Variants in UST observed in about 807,000 individuals in gnomAD.
UST encodes the protein chondroitin sulfate 2-O-sulfotransferase.
Under a neutral mutation model 45.6 loss-of-function variants are expected in UST, and 21 were observed. The ratio of observed to expected loss-of-function variants is 0.46; its 90% CI spans 0.33 to 0.66. UST has a LOEUF of 0.66. Ranked by LOEUF, UST falls within the 30% of genes least tolerant of loss-of-function variation. The pLI, the probability that UST is intolerant of heterozygous loss-of-function variation, is 0.02. For missense variants in UST, 463 were observed against 512.4 expected (o/e 0.90, Z 0.93); for synonymous variants, 215 against 200.6 (o/e 1.07, Z -0.61).
chr6:149,073,991 T>A lies in UST; in HGVS notation c.1096T>A (p.Ser366Thr). 1.2e-6 allele frequency: 2 copies of A among 1,614,118 alleles called. No homozygotes were observed. Among genetic ancestry groups the A allele is most frequent in the South Asian group, 2.2e-5 (2 of 91,076 alleles). The change falls in exon 8 of 8, where the codon TCT becomes ACT. Residue 366 changes from serine (S) to threonine (T), a missense_variant. Physicochemically the swap from Ser to Thr is moderately conservative, Grantham distance 58. This residue lies in a region of UST where 287 missense variants were observed against 374.2 expected (regional missense o/e 0.77). Transcript: ENST00000367463. ...HLLKRKFGLK[S>T]HVSKPPLRPH... ...GCTGAAGCGCAAGTTTGGACTTAAG[T>A]CTCACGTCAGCAAGCCCCCCCTGAG...
At chr6:149,050,539 A>C (rs968090954) in intron 7 of UST, among the ~76,000 whole-genome samples, 3 of 152,126 alleles carry the variant, frequency 2.0e-5, no homozygotes, top group African/African-American at 7.2e-5. Context: ...ACATTTGCCT[A>C]TTTGCTTTTT....
At chr6:148,913,284 A>G (rs1700380771) in intron 2 of UST, among the ~76,000 whole-genome samples, 1 of 152,164 alleles carries the variant, frequency 6.6e-6, no homozygotes, top group Admixed American at 6.5e-5. Flanking sequence ...CTGACTGTGC[A>G]TCGGAAGGGT....
intron 7 of UST, among the ~76,000 whole-genome samples, chr6:149,063,561 G>A (rs538279651): frequency 6.6e-6 from 1 of 152,314 alleles, no homozygotes; most frequent in East Asian, 1.9e-4. Flanking sequence ...AGCCAGATGG[G>A]AGGGTAGACT....
At chr6:148,855,995 G>A (rs1040614210) in intron 1 of UST, among the ~76,000 whole-genome samples, 2 of 150,958 alleles carry the variant, frequency 1.3e-5, no homozygotes, top group African/African-American at 4.9e-5. Flanking sequence ...ATTGCTTACA[G>A]CTGAAAAATA....
chr6:148,924,851 G>C (rs1779782243), intron 2 of UST, among the ~76,000 whole-genome samples: 1 of 152,126 alleles, frequency 6.6e-6, no homozygotes, highest in African/African-American at 2.4e-5. Context: ...CTCTTGGTTG[G>C]GGCTGGGCTG....
intron 7 of UST, among the ~76,000 whole-genome samples, chr6:149,035,694 G>T (rs1776230739): frequency 6.6e-6 from 1 of 151,988 alleles, no homozygotes; most frequent in African/African-American, 2.4e-5. Flanking sequence ...AGAGGCAGAG[G>T]TTGCAGGGTT....
intron 1 of UST, among the ~76,000 whole-genome samples, chr6:148,780,449 C>G (rs1343000952): frequency 6.6e-6 from 1 of 152,130 alleles, no homozygotes; most frequent in Non-Finnish European, 1.5e-5. Flanking sequence ...TCCCCACCCT[C>G]CAGTGGAGGC....
intron 5 of UST, chr6:148,990,479 A>C: frequency 2.6e-6 from 2 of 778,390 alleles, no homozygotes; most frequent in Non-Finnish European, 3.1e-6. Flanking sequence ...TTAACGTGAC[A>C]CCAGTGTGTT....
chr6:149,033,941 C>T (rs1776192637), intron 7 of UST, among the ~76,000 whole-genome samples: 1 of 152,140 alleles, frequency 6.6e-6, no homozygotes, highest in African/African-American at 2.4e-5. Flanking sequence ...TCACTTTCAG[C>T]GCAGCTAGAT....
Position 148,777,150 on chromosome 6 carries a change from G to A in UST, c.247+29473G>A, listed in dbSNP as rs369347604. 3.1e-3 allele frequency among the ~76,000 whole-genome samples: 472 copies of A among 152,172 alleles called. 4 individuals are homozygous for A. The highest frequency in any genetic ancestry group is 0.011 in the African/African-American group (452 of 41,514). On this transcript the variant is annotated intron_variant, in intron 1 of 7. Coordinates refer to ENST00000367463, the MANE Select transcript of UST (RefSeq NM_005715.3). ...AGGAGCCGTTTTTTCCTGGTGTGCC[G>A]GCTCACTTACCGCACTTAAAACCGA...
intron 2 of UST, among the ~76,000 whole-genome samples, chr6:148,932,937 A>G (rs1007704040): frequency 1.3e-5 from 2 of 152,130 alleles, no homozygotes; most frequent in Non-Finnish European, 2.9e-5. Context: ...GACAGGGAGG[A>G]GCCTTGGGAA....
intron 4 of UST, chr6:148,959,174 AGT>A (rs1244372587): frequency 6.6e-6 from 1 of 152,276 alleles, no homozygotes; most frequent in Non-Finnish European, 1.5e-5. Flanking sequence ...TGATGTGAAC[AGT>A]GTTTCTTCTA....
chr6:148,955,548 C>T (rs2114943181), intron 4 of UST: 1 of 152,342 alleles, frequency 6.6e-6, no homozygotes, highest in Non-Finnish European at 1.5e-5. Flanking sequence ...GTGTTTTCAA[C>T]CACATTTATA....
rs188142391 is a variant in UST at position 148,995,314 on chromosome 6, C to T, written c.682-23825C>T. ...CTGGGATTCCAGGCATGAGCCGCTGCGCCCAGCCTCGGTCCTGTTCTTATT... is the reference window on the plus strand; with the variant it reads ...CTGGGATTCCAGGCATGAGCCGCTGTGCCCAGCCTCGGTCCTGTTCTTATT... On this transcript the variant is annotated intron_variant, in intron 5 of 7. Transcript: ENST00000367463. Among the ~76,000 whole-genome samples, 6 of 152,314 alleles carry T rather than the reference C, an allele frequency of 3.9e-5. No individual in the cohort carries two copies. The South Asian group carries it at 6.2e-4, about 16-fold the overall frequency.
chr6:149,014,411 G>T (rs1775863357), intron 5 of UST, among the ~76,000 whole-genome samples: 2 of 152,218 alleles, frequency 1.3e-5, no homozygotes, highest in Non-Finnish European at 2.9e-5. Flanking sequence ...AGGTTAGAGT[G>T]CCAGGTCCCA....
At chr6:148,900,240 C>T (rs963362608) in intron 2 of UST, among the ~76,000 whole-genome samples, 9 of 152,134 alleles carry the variant, frequency 5.9e-5, no homozygotes, top group South Asian at 2.1e-4. Flanking sequence ...CCCATCAGAA[C>T]GGCTTGCTCG....
At chr6:149,050,933 C>T (rs1776474581) in intron 7 of UST, among the ~76,000 whole-genome samples, 2 of 152,136 alleles carry the variant, frequency 1.3e-5, no homozygotes, top group Non-Finnish European at 2.9e-5. Flanking sequence ...TGTAAAGGCC[C>T]ACATGCCAAG....
intron 2 of UST, among the ~76,000 whole-genome samples, chr6:148,933,765 G>A (rs1274773192): frequency 2.0e-5 from 3 of 152,188 alleles, no homozygotes; most frequent in Non-Finnish European, 2.9e-5. Flanking sequence ...AGGCTTTGGC[G>A]ATGATCTCAA....
At chr6:148,995,187 G>A (rs1371357805) in intron 5 of UST, among the ~76,000 whole-genome samples, 1 of 152,142 alleles carries the variant, frequency 6.6e-6, no homozygotes, top group Non-Finnish European at 1.5e-5. Flanking sequence ...ACCACACTTG[G>A]CTAATTTTTG....
Sources: gnomAD v4.1 joint callset for allele counts (sites outside exome capture counted in the v4.1 genomes callset) on GRCh38, gnomAD v4.1.1 for gene constraint, gnomAD v4.1.1 regional missense constraint, MANE v1.5 for transcripts, NCBI Gene and HGNC (gene_info 2026-07-23, HGNC 2026-07-21) for gene names.